The following BABAM2 variants were observed in gnomAD, a reference collection of about 807,000 sequenced individuals.
The protein encoded by BABAM2 is BRISC and BRCA1-A complex member 2.
A neutral mutation model predicts 54.7 loss-of-function variants in BABAM2; 31 were observed. That is an observed-to-expected ratio of 0.57 (90% CI 0.43 to 0.77). The LOEUF (loss-of-function observed/expected upper bound fraction) is 0.77, where lower values mean the gene tolerates loss of function less well. Ranked by LOEUF, BABAM2 falls within the 30% of genes least tolerant of loss-of-function variation. BABAM2 has a pLI of 0.00. For synonymous variants in BABAM2, 167 were observed against 162.9 expected (o/e 1.03, Z -0.19); for missense variants, 364 against 455.8 (o/e 0.80, Z 1.83).
At chr2:27,972,773 CTT>C (rs11383917) in intron 3 of BABAM2, among the ~76,000 whole-genome samples, 3 of 138,418 alleles carry the variant, frequency 2.2e-5, no homozygotes, top group Non-Finnish European at 1.5e-5. Context: ...TAATTATTAG[CTT>C]TTTTTTTTTT....
intron 3 of BABAM2, among the ~76,000 whole-genome samples, chr2:27,933,756 C>T (rs185198455): frequency 2.0e-5 from 3 of 150,194 alleles, no homozygotes; most frequent in East Asian, 1.9e-4. Context: ...AGCCACTATG[C>T]CTGGCTTGTT....
intron 7 of BABAM2, among the ~76,000 whole-genome samples, chr2:28,179,629 G>A (rs1675402409): frequency 6.6e-6 from 1 of 152,314 alleles, no homozygotes; most frequent in East Asian, 1.9e-4. Flanking sequence ...CCTAGCCAGA[G>A]CAGTCAGTCA....
intron 2 of BABAM2, among the ~76,000 whole-genome samples, chr2:27,904,934 T>TA (rs1247947094): frequency 6.6e-6 from 1 of 152,198 alleles, no homozygotes; most frequent in Admixed American, 6.5e-5. Context: ...ATAATAGCTA[T>TA]ATGGCAGACC....
At chr2:27,899,436 G>T (rs1665601203) in intron 2 of BABAM2, among the ~76,000 whole-genome samples, 1 of 151,088 alleles carries the variant, frequency 6.6e-6, no homozygotes, top group Non-Finnish European at 1.5e-5. Context: ...CAAATAGTGG[G>T]ATCTGATGAC....
intron 3 of BABAM2, among the ~76,000 whole-genome samples, chr2:27,951,034 G>A (rs186727219): frequency 6.6e-5 from 10 of 151,964 alleles, no homozygotes; most frequent in Non-Finnish European, 1.0e-4. Flanking sequence ...TTTCTCCCCC[G>A]CAACTGTTTT....
chr2:28,166,490 C>T (rs960298787), intron 7 of BABAM2, among the ~76,000 whole-genome samples: 22 of 152,064 alleles, frequency 1.4e-4, no homozygotes, highest in African/African-American at 4.6e-4. Context: ...GGATTTGGAC[C>T]GCTTCACTTT....
Position 28,006,061 on chromosome 2 carries a change from A to T in BABAM2, c.300+17974A>T, listed in dbSNP as rs549949848. On this transcript the variant is annotated intron_variant, in intron 4 of 11. Coordinates refer to ENST00000379624, the MANE Select transcript of BABAM2 (RefSeq NM_199191.3). The stretch of plus-strand genomic sequence containing the variant: ...TTAAGATCTATGCATTGTGATTGTT[A>T]TGTCAAGTCTTTTTAAGTTACTGGT... Among the ~76,000 whole-genome samples, 5 of 152,202 alleles carry T rather than the reference A, an allele frequency of 3.3e-5. No homozygotes were observed. The South Asian group carries it at 8.3e-4, about 25-fold the overall frequency.
intron 6 of BABAM2, among the ~76,000 whole-genome samples, chr2:28,085,506 A>G (rs763185695): frequency 2.6e-5 from 4 of 152,206 alleles, no homozygotes; most frequent in Admixed American, 6.5e-5. Context: ...GGTCAACTTC[A>G]TATTAACTTG....
At chr2:28,033,161 T>G (rs1325096941) in intron 5 of BABAM2, among the ~76,000 whole-genome samples, 3 of 152,142 alleles carry the variant, frequency 2.0e-5, no homozygotes, top group African/African-American at 7.2e-5. Context: ...TTTTGATATA[T>G]CAAAAAAAGA....
chr2:27,981,477 A>G (rs1671997129), intron 3 of BABAM2, among the ~76,000 whole-genome samples: 1 of 152,194 alleles, frequency 6.6e-6, no homozygotes, highest in Admixed American at 6.5e-5. Flanking sequence ...CATCACAAAA[A>G]GAAAGCTTGT....
chr2:27,918,587 T>G (rs1170562449), intron 2 of BABAM2, among the ~76,000 whole-genome samples: 1 of 152,166 alleles, frequency 6.6e-6, no homozygotes. Context: ...TCCTATCAAG[T>G]TTTTGTTCTT....
chr2:27,921,499 G>C (rs527329039), intron 2 of BABAM2, among the ~76,000 whole-genome samples: 104 of 152,278 alleles, frequency 6.8e-4, no homozygotes, highest in Non-Finnish European at 2.6e-4. Context: ...ATTATTGAGA[G>C]ATGGTTTAAT....
chr2:27,949,274 T>G (rs1235405171), intron 3 of BABAM2, among the ~76,000 whole-genome samples: 1 of 152,226 alleles, frequency 6.6e-6, no homozygotes, highest in Non-Finnish European at 1.5e-5. Flanking sequence ...GGCTTACGCC[T>G]GTAATCCCAG....
intron 11 of BABAM2, among the ~76,000 whole-genome samples, chr2:28,324,675 G>A (rs1474913387): frequency 1.3e-5 from 2 of 151,340 alleles, no homozygotes; most frequent in African/African-American, 4.9e-5. Flanking sequence ...CACTCCTGTA[G>A]TCCTAGCTAC....
intron 6 of BABAM2, among the ~76,000 whole-genome samples, chr2:28,089,008 C>T (rs529458517): frequency 3.5e-4 from 53 of 151,928 alleles, no homozygotes; most frequent in Non-Finnish European, 6.6e-4. Context: ...AGTAACTTAC[C>T]AAAAGATATT....
chr2:28,112,151 C>CTTTCTTTTTCTTTCTTTCTTTCTT (rs1261759583), intron 6 of BABAM2, among the ~76,000 whole-genome samples: 1 of 19,606 alleles, frequency 5.1e-5, no homozygotes, highest in African/African-American at 2.3e-4. Flanking sequence ...CTTTCTTTAC[C>CTTTCTTTTTCTTTCTTTCTTTCTT]TCCCTCCCTC....
intron 2 of BABAM2, among the ~76,000 whole-genome samples, chr2:27,918,608 T>C (rs1026268085): frequency 3.3e-5 from 5 of 152,242 alleles, no homozygotes; most frequent in Admixed American, 6.5e-5. Context: ...CAAGATCATC[T>C]GATCTATTCT....
chr2:27,973,297 T>C (rs895890454), intron 3 of BABAM2, among the ~76,000 whole-genome samples: 3 of 152,186 alleles, frequency 2.0e-5, no homozygotes, highest in Non-Finnish European at 4.4e-5. Flanking sequence ...ATCTTTTCTT[T>C]CCATATCTCC....
intron 4 of BABAM2, among the ~76,000 whole-genome samples, chr2:27,988,780 T>C (rs966089237): frequency 7.9e-5 from 12 of 152,220 alleles, no homozygotes; most frequent in African/African-American, 2.9e-4. Flanking sequence ...TAAATGGTTC[T>C]GACCAGACAA....
Sources: allele counts gnomAD v4.1 joint callset (sites outside exome capture counted in the v4.1 genomes callset), GRCh38; gene constraint gnomAD v4.1.1; transcripts MANE v1.5; gene names NCBI Gene and HGNC (gene_info 2026-07-23, HGNC 2026-07-21).